HYDIN: variants seen among roughly 807,000 people sequenced by gnomAD.
The protein encoded by HYDIN is HYDIN axonemal central pair apparatus protein.
In HYDIN, 132 loss-of-function variants were observed where a neutral mutation model predicts 403.9. The ratio of observed to expected loss-of-function variants is 0.33; its 90% confidence interval spans 0.28 to 0.38. The LOEUF (loss-of-function observed/expected upper bound fraction) is 0.38. HYDIN is among the 10% of genes least tolerant of loss of function. HYDIN has a pLI of 1.00. For missense variants in HYDIN, 2,827 were observed against 5,009.5 expected (o/e 0.56, Z 13.15); for synonymous variants, 1,202 against 1,891.7 (o/e 0.64, Z 9.46).
intron 1 of HYDIN, among the ~76,000 whole-genome samples, chr16:71,216,245 T>A (rs236010): frequency 3.6e-4 from 54 of 152,012 alleles, no homozygotes; most frequent in Admixed American, 4.6e-4. Flanking sequence ...ATAGAAAAAA[T>A]TGCCATATTC....
At chr16:70,974,455 C>A in intron 32 of HYDIN, 79 bp downstream of exon 32, 2 of 1,384,140 alleles carry the variant, frequency 1.4e-6, no homozygotes, top group Non-Finnish European at 1.9e-6. Flanking sequence ...ACAAAAGCTG[C>A]TCCAGGAGGA....
chr16:70,829,907 C>T (rs574299564), intron 80 of HYDIN, 77 bp from the exon 81 acceptor site: 527 of 1,313,542 alleles, frequency 4.0e-4, no homozygotes, highest in African/African-American at 1.8e-3. Flanking sequence ...ACAGAATGTG[C>T]GCTGGGGAAG....
chr16:71,212,842 AAAAAGTCTC>A (rs764923521), intron 1 of HYDIN, among the ~76,000 whole-genome samples: 2 of 152,142 alleles, frequency 1.3e-5, no homozygotes, highest in Non-Finnish European at 2.9e-5. Flanking sequence ...CAAGAAGCTC[AAAAAGTCTC>A]AAACTAGATA....
At chr16:70,955,991 T>C (rs1027796139) in intron 39 of HYDIN, among the ~76,000 whole-genome samples, 1 of 152,050 alleles carries the variant, frequency 6.6e-6, no homozygotes, top group African/African-American at 2.4e-5. Context: ...GTTAATTTTT[T>C]GTATTTTTAG....
At position 71,221,974 on chromosome 16, in the gene HYDIN, G is replaced by C. The variant is rs74557969; in HGVS notation, c.-24+8588C>G. 6.8e-3 allele frequency among the ~76,000 whole-genome samples: 1,042 copies of C among 152,324 alleles called. 9 individuals carry two copies. Among genetic ancestry groups the C allele is most frequent in the Non-Finnish European group, 0.011 (736 of 68,036 alleles). Reference sequence around the variant, plus strand: ...CGTGTTCAAATAAGGCAAGCAATGAGCTGTAACTAATCTGGCTATTTTTGT... The same window carrying C: ...CGTGTTCAAATAAGGCAAGCAATGACCTGTAACTAATCTGGCTATTTTTGT... On this transcript the variant is annotated intron_variant, in intron 1 of 85. Coordinates refer to ENST00000393567, the MANE Select transcript of HYDIN (RefSeq NM_001270974.2).
At chr16:70,969,469 G>T (rs1310698988) in intron 36 of HYDIN, among the ~76,000 whole-genome samples, 1 of 151,866 alleles carries the variant, frequency 6.6e-6, no homozygotes, top group Non-Finnish European at 1.5e-5. Context: ...GAGGCCAGAA[G>T]AAAGTGGCAT....
chr16:70,984,447 C>A (rs201295920), intron 28 of HYDIN, among the ~76,000 whole-genome samples: 175 of 112,266 alleles, frequency 1.6e-3, no homozygotes, highest in South Asian at 4.2e-3. Context: ...GGAAAAAAAA[C>A]CAAAAGGGGA....
chr16:71,039,371 T>C (rs1330703749), intron 18 of HYDIN, among the ~76,000 whole-genome samples: 1 of 152,138 alleles, frequency 6.6e-6, no homozygotes, highest in Non-Finnish European at 1.5e-5. Context: ...GTCTACACTG[T>C]TGACAGTGAT....
At chr16:71,002,993 C>T (rs370903809) in intron 23 of HYDIN, among the ~76,000 whole-genome samples, 1 of 152,044 alleles carries the variant, frequency 6.6e-6, no homozygotes, top group Non-Finnish European at 1.5e-5. Context: ...CTGTTTATGC[C>T]TTTTTCTATA....
chr16:71,193,513 T>C (rs1217537898), intron 1 of HYDIN, among the ~76,000 whole-genome samples: 1 of 152,164 alleles, frequency 6.6e-6, no homozygotes, highest in Non-Finnish European at 1.5e-5. Context: ...TTTGCACCAT[T>C]GAATTCTAAA....
At chr16:71,200,935 G>C (rs1010322202) in intron 1 of HYDIN, among the ~76,000 whole-genome samples, 4 of 152,096 alleles carry the variant, frequency 2.6e-5, no homozygotes, top group African/African-American at 9.7e-5. Context: ...TCCTCTGTCT[G>C]GGCTCTCCCT....
At chr16:71,213,561 G>A (rs943036697) in intron 1 of HYDIN, among the ~76,000 whole-genome samples, 1 of 151,958 alleles carries the variant, frequency 6.6e-6, no homozygotes, top group Non-Finnish European at 1.5e-5. Flanking sequence ...GGGAAAAACT[G>A]AATAGTAAAA....
At chr16:70,937,225 C>T (rs931625106) in intron 44 of HYDIN, among the ~76,000 whole-genome samples, 4 of 150,568 alleles carry the variant, frequency 2.7e-5, no homozygotes, top group African/African-American at 9.8e-5. Context: ...TTTCCAAGTC[C>T]ACCATGAGAT....
intron 27 of HYDIN, 127 bp from the exon 28 acceptor site, chr16:70,985,449 C>G (rs550709598): frequency 5.0e-6 from 5 of 1,005,754 alleles, no homozygotes; most frequent in Non-Finnish European, 7.2e-6. Context: ...CAATCTACAT[C>G]TCAGCATCAC....
intron 75 of HYDIN, among the ~76,000 whole-genome samples, chr16:70,846,165 T>C (rs1320260177): frequency 1.1e-4 from 16 of 147,434 alleles, no homozygotes; most frequent in African/African-American, 3.8e-4. Flanking sequence ...TCCTGCTTTC[T>C]CTTGTGGGCA....
At chr16:71,086,438 GC>G (rs2082932848) in intron 12 of HYDIN, among the ~76,000 whole-genome samples, 3 of 150,830 alleles carry the variant, frequency 2.0e-5, no homozygotes, top group Admixed American at 6.6e-5. Flanking sequence ...ATGGGGAATG[GC>G]CAGGTGAAAT....
chr16:70,877,372 A>G (rs2040508688), intron 62 of HYDIN, among the ~76,000 whole-genome samples: 1 of 152,112 alleles, frequency 6.6e-6, no homozygotes. Context: ...AGGATAAATT[A>G]AAAGAACTCC....
chr16:70,966,949 T>C (rs1275215263), intron 36 of HYDIN, among the ~76,000 whole-genome samples: 1 of 150,284 alleles, frequency 6.7e-6, no homozygotes, highest in African/African-American at 2.5e-5. Context: ...ATAGATAAAA[T>C]ACAAGTAGGA....
chr16:71,094,504 GTCTT>G (rs2083213824), intron 10 of HYDIN, among the ~76,000 whole-genome samples: 1 of 151,758 alleles, frequency 6.6e-6, no homozygotes, highest in Admixed American at 6.6e-5. Context: ...AACAACTTAA[GTCTT>G]TTGAGAAGAT....
Sources: gnomAD v4.1 joint callset for allele counts (sites outside exome capture counted in the v4.1 genomes callset) on GRCh38, gnomAD v4.1.1 for gene constraint, MANE v1.5 for transcripts, NCBI Gene and HGNC (gene_info 2026-07-23, HGNC 2026-07-21) for gene names.